The following CALN1 variants were observed in gnomAD, a reference collection of about 807,000 sequenced individuals.
CALN1 encodes the protein calneuron 1.
Under a neutral mutation model 30.6 loss-of-function variants are expected in CALN1, and 17 were observed. The observed-to-expected ratio is 0.56, with a 90% confidence interval of 0.38 to 0.83. The LOEUF (loss-of-function observed/expected upper bound fraction) is 0.83, where lower values mean the gene tolerates loss of function less well. Among genes scored for constraint, CALN1 ranks in the 40% least tolerant of loss-of-function variants. The pLI is 0.00. For synonymous variants in CALN1, 156 were observed against 131.4 expected, an observed-to-expected ratio of 1.19 and a Z score of -1.28; for missense variants, 291 against 354.9, an observed-to-expected ratio of 0.82 and a Z score of 1.45.
chr7:72,398,675 C>G (rs1197895601), intron 2 of CALN1, among the ~76,000 whole-genome samples: 1 of 152,218 alleles, frequency 6.6e-6, no homozygotes, highest in Non-Finnish European at 1.5e-5. Flanking sequence ...ATCTCATAGT[C>G]TGGACAAGAA....
intron 5 of CALN1, among the ~76,000 whole-genome samples, chr7:71,900,627 C>T (rs917408397): frequency 2.6e-4 from 39 of 152,152 alleles, no homozygotes; most frequent in African/African-American, 8.7e-4. Flanking sequence ...TGGGGCCAAA[C>T]AGGTTAGCAC....
chr7:72,228,617 A>C (rs1306048291), intron 3 of CALN1, among the ~76,000 whole-genome samples: 1 of 151,950 alleles, frequency 6.6e-6, no homozygotes, highest in Non-Finnish European at 1.5e-5. Flanking sequence ...AAACTGGAAC[A>C]ACAATAACTG....
At chr7:72,353,431 T>C (rs984943812) in intron 2 of CALN1, among the ~76,000 whole-genome samples, 1 of 152,176 alleles carries the variant, frequency 6.6e-6, no homozygotes, top group Non-Finnish European at 1.5e-5. Context: ...TCTTAAATTC[T>C]AAAAGATGAA....
At chr7:72,348,962 CT>C (rs11362427) in intron 2 of CALN1, among the ~76,000 whole-genome samples, 3,804 of 152,158 alleles carry the variant, frequency 0.025, 181 homozygotes, top group African/African-American at 0.087. Flanking sequence ...TTTCGAGCAG[CT>C]ATTAGGATGT....
chr7:72,411,161 AAACT>A (rs1807113076), intron 1 of CALN1, among the ~76,000 whole-genome samples: 2 of 152,244 alleles, frequency 1.3e-5, no homozygotes, highest in Non-Finnish European at 2.9e-5. Flanking sequence ...GATTTGAAAA[AAACT>A]ATCAAAAGGA....
At chr7:71,908,037 C>G (rs1794235148) in intron 5 of CALN1, among the ~76,000 whole-genome samples, 1 of 152,200 alleles carries the variant, frequency 6.6e-6, no homozygotes, top group Non-Finnish European at 1.5e-5. Flanking sequence ...GATTTTAGGT[C>G]TAGCTTTCGG....
chr7:72,111,694 T>TG (rs1265924741), intron 3 of CALN1, among the ~76,000 whole-genome samples: 4 of 152,026 alleles, frequency 2.6e-5, no homozygotes, highest in South Asian at 4.1e-4. Context: ...GCAGTCCTTC[T>TG]GCCTCAGCCT....
intron 3 of CALN1, among the ~76,000 whole-genome samples, chr7:72,163,332 T>C (rs1390227399): frequency 5.4e-5 from 8 of 147,186 alleles, no homozygotes; most frequent in Non-Finnish European, 1.2e-4. Flanking sequence ...AAGAGCATAA[T>C]TAAGATTCTT....
chr7:72,489,357 A>G, the CALN1 span, among the ~76,000 whole-genome samples: 1 of 152,216 alleles, frequency 6.6e-6, no homozygotes, highest in East Asian at 1.9e-4. Flanking sequence ...TATTCTTAGC[A>G]GAAGTAAGAA....
chr7:72,083,960 G>A (rs1280391621), intron 4 of CALN1, among the ~76,000 whole-genome samples: 1 of 152,108 alleles, frequency 6.6e-6, no homozygotes, highest in Non-Finnish European at 1.5e-5. Context: ...TGTAATCCCA[G>A]TACTTTGAGA....
At chr7:71,843,761 C>T (rs918342487) in intron 5 of CALN1, among the ~76,000 whole-genome samples, 2 of 152,168 alleles carry the variant, frequency 1.3e-5, no homozygotes, top group African/African-American at 4.8e-5. Flanking sequence ...ACTTATTATG[C>T]TCATGGGCAC....
the CALN1 span, among the ~76,000 whole-genome samples, chr7:72,469,818 T>G: frequency 1.5e-3 from 229 of 152,316 alleles, 1 homozygote; most frequent in Middle Eastern, 0.017. Context: ...TTTTCACTCT[T>G]GCCTGAACCC....
At chr7:72,278,167 A>T (rs2129554015) in intron 3 of CALN1, among the ~76,000 whole-genome samples, 1 of 152,242 alleles carries the variant, frequency 6.6e-6, no homozygotes, top group South Asian at 2.1e-4. Context: ...TGTGTTACAA[A>T]GAAACAGAGG....
chr7:72,253,869 G>A (rs530771065), intron 3 of CALN1, among the ~76,000 whole-genome samples: 69 of 152,202 alleles, frequency 4.5e-4, no homozygotes, highest in Non-Finnish European at 5.4e-4. Flanking sequence ...GCCTCCAGAG[G>A]AGCTGGGACT....
intron 4 of CALN1, among the ~76,000 whole-genome samples, chr7:72,026,228 A>C (rs1801044955): frequency 6.6e-6 from 1 of 152,158 alleles, no homozygotes; most frequent in South Asian, 2.1e-4. Flanking sequence ...CCAGATATAG[A>C]CAGGAAGTAC....
chr7:72,118,699 A>G (rs1808168466), intron 3 of CALN1, among the ~76,000 whole-genome samples: 1 of 95,220 alleles, frequency 1.1e-5, no homozygotes, highest in African/African-American at 3.9e-5. Context: ...AGATTTAAAT[A>G]TGTATGAGAG....
chr7:72,399,895 CTA>C (rs1806223186), intron 2 of CALN1, among the ~76,000 whole-genome samples: 1 of 152,140 alleles, frequency 6.6e-6, no homozygotes, highest in Admixed American at 6.5e-5. Context: ...AGTTCTCACT[CTA>C]TTAGTTCATG....
chr7:72,077,521 G>A (rs1437190257), intron 4 of CALN1, among the ~76,000 whole-genome samples: 2 of 152,260 alleles, frequency 1.3e-5, no homozygotes, highest in African/African-American at 4.8e-5. Context: ...TGATCTGCCC[G>A]CCTCGGCCTC....
chr7:72,301,700 T>C (rs1799272510), intron 2 of CALN1, among the ~76,000 whole-genome samples: 1 of 151,080 alleles, frequency 6.6e-6, no homozygotes, highest in Non-Finnish European at 1.5e-5. Flanking sequence ...TCTCCTGGCA[T>C]TTACATGGGG....
Sources: gnomAD v4.1 joint callset for allele counts (sites outside exome capture counted in the v4.1 genomes callset) on GRCh38, gnomAD v4.1.1 for gene constraint, MANE v1.5 for transcripts, NCBI Gene and HGNC (gene_info 2026-07-23, HGNC 2026-07-21) for gene names.